Variants in NFATC1 observed in about 807,000 individuals in gnomAD.
NFATC1 encodes the protein nuclear factor of activated T cells 1.
In NFATC1, 22 loss-of-function variants were observed where a neutral mutation model predicts 76.0. That is an observed-to-expected ratio of 0.29 (90% CI 0.21 to 0.41). NFATC1 has a LOEUF of 0.41. Among genes scored for constraint, NFATC1 ranks in the 10% least tolerant of loss-of-function variants. The pLI is 1.00. For missense variants in NFATC1, 1,357 were observed against 1,337.7 expected, an observed-to-expected ratio of 1.01 and a Z score of -0.23; for synonymous variants, 704 against 613.1, an observed-to-expected ratio of 1.15 and a Z score of -2.19.
At chr18:79,428,497 G>T (rs374337487) in intron 2 of NFATC1, among the ~76,000 whole-genome samples, 1 of 152,194 alleles carries the variant, frequency 6.6e-6, no homozygotes, top group Non-Finnish European at 1.5e-5. Context: ...GTGGTTCTGC[G>T]CTCAGGGCAT....
At chr18:79,434,083 T>A (rs1362555843) in intron 3 of NFATC1, among the ~76,000 whole-genome samples, 1 of 152,234 alleles carries the variant, frequency 6.6e-6, no homozygotes. Flanking sequence ...AGCACCAGCC[T>A]CGCCTGGTGG....
rs766323337 is a variant in NFATC1 at position 79,486,325 on chromosome 18, C to A, written c.2170C>A (p.Pro724Thr). The A allele has an allele frequency of 1.2e-6, 2 of 1,613,060 alleles. No homozygotes were observed. Among genetic ancestry groups the A allele is most frequent in the Non-Finnish European group, 1.7e-6 (2 of 1,180,010 alleles). ...TGGACCGGTGAGCCAGGGGTTAAGT[C>A]CTCTCCCAAGACCATACTACAGCCA... ...TCGPVSQGLS[P>T]LPRPYYSQQL... The change falls in exon 9 of 10, where the codon CCT becomes ACT. Residue 724 changes from proline to threonine, a missense_variant. Pro to Thr is a conservative substitution (Grantham distance 38, BLOSUM62 -1). This residue lies in a region of NFATC1 where 424 missense variants were observed against 395.4 expected (regional missense o/e 1.07). Coordinates refer to ENST00000427363, the MANE Select transcript of NFATC1 (RefSeq NM_001278669.2).
At chr18:79,521,310 T>C (rs1197774617) in intron 9 of NFATC1, among the ~76,000 whole-genome samples, 7 of 59,930 alleles carry the variant, frequency 1.2e-4, no homozygotes, top group Non-Finnish European at 1.5e-4. Flanking sequence ...GGGGGGCGTC[T>C]CCTGATGTGT....
rs375917027 is a variant in NFATC1, at chr18:79,465,551, C to T, written c.1960-1899C>T. ...CATCCAGCCTGTCCCACAGGGTCCC[C>T]GCCTCCACCCCAGCCTGTCCCGTGG... is the stretch of plus-strand genomic sequence containing the variant. On this transcript the variant is annotated intron_variant, in intron 7 of 9. Transcript: ENST00000427363. The surrounding 1 kb of genome is among the most constrained non-coding windows in gnomAD (Gnocchi z 4.2). Among the ~76,000 whole-genome samples, 758 of 152,270 alleles carry T rather than the reference C, an allele frequency of 5.0e-3. 9 individuals carry two copies. The highest frequency in any genetic ancestry group is 0.017 in the African/African-American group (701 of 41,544).
intron 6 of NFATC1, among the ~76,000 whole-genome samples, chr18:79,452,450 C>T (rs1473873268): frequency 6.6e-5 from 10 of 152,270 alleles, no homozygotes; most frequent in Admixed American, 2.0e-4. Flanking sequence ...CTCCTGGGGC[C>T]GTCACGCCTG....
intron 9 of NFATC1, among the ~76,000 whole-genome samples, chr18:79,495,892 G>A (rs540318825): frequency 4.6e-5 from 7 of 152,170 alleles, no homozygotes; most frequent in Non-Finnish European, 8.8e-5. Context: ...ACACAGGCAA[G>A]CCGTGAACAG....
chr18:79,492,378 C>T (rs1239101453), intron 9 of NFATC1, among the ~76,000 whole-genome samples: 1 of 152,164 alleles, frequency 6.6e-6, no homozygotes, highest in Admixed American at 6.5e-5. Flanking sequence ...GCCTGGTCAA[C>T]ATGGTAGAAC....
At chr18:79,407,255 A>G (rs1293808142) in intron 1 of NFATC1, among the ~76,000 whole-genome samples, 1 of 152,192 alleles carries the variant, frequency 6.6e-6, no homozygotes, top group Non-Finnish European at 1.5e-5. Flanking sequence ...GGCGGGGGGC[A>G]CAGTGGATGC....
Position 79,418,211 on chromosome 18 carries a change from C to T in NFATC1, c.1226+6710C>T, listed in dbSNP as rs568273864. On this transcript the variant is annotated intron_variant, in intron 2 of 9. Transcript: ENST00000427363. ...TCGTTGTGTGATGGCAGGAAGAATC[C>T]GCGTGCTGCCCCACCATGCCTTGCG... 2.6e-5 allele frequency among the ~76,000 whole-genome samples: 4 copies of T among 152,238 alleles called. No individual in the cohort carries two copies. The South Asian group carries it at 6.2e-4, about 24-fold the overall frequency.
At chr18:79,437,589 C>T (rs116835351) in intron 3 of NFATC1, among the ~76,000 whole-genome samples, 2,003 of 152,344 alleles carry the variant, frequency 0.013, 48 homozygotes, top group African/African-American at 0.046. Flanking sequence ...GAAAGTGATG[C>T]GTGGCGGATG....
At chr18:79,432,001 C>T (rs2086606496) in intron 2 of NFATC1, among the ~76,000 whole-genome samples, 1 of 152,234 alleles carries the variant, frequency 6.6e-6, no homozygotes, top group Admixed American at 6.5e-5. Flanking sequence ...ATGCCCGGCC[C>T]TTGTTTTGTT....
chr18:79,400,463 C>T, intron 1 of NFATC1: 1 of 1,487,054 alleles, frequency 6.7e-7, no homozygotes, highest in South Asian at 1.3e-5. Context: ...ACGAGGGCGC[C>T]GCCGCGGCCG....
intron 1 of NFATC1, among the ~76,000 whole-genome samples, chr18:79,401,587 C>T (rs961621126): frequency 6.6e-6 from 1 of 152,234 alleles, no homozygotes; most frequent in Non-Finnish European, 1.5e-5. Context: ...AGAGCTGGTT[C>T]CAGTCCTCCC....
chr18:79,404,052 T>C (rs934373554), intron 1 of NFATC1, among the ~76,000 whole-genome samples: 3 of 152,194 alleles, frequency 2.0e-5, no homozygotes, highest in African/African-American at 7.2e-5. Context: ...TTCAGTTCTG[T>C]GTCGTGTTTT....
At chr18:79,412,162 C>G (rs932075181) in intron 2 of NFATC1, among the ~76,000 whole-genome samples, 3 of 152,206 alleles carry the variant, frequency 2.0e-5, no homozygotes, top group Admixed American at 2.0e-4. Flanking sequence ...TCTTTTTAAC[C>G]GTGTGAGGGG....
intron 6 of NFATC1, among the ~76,000 whole-genome samples, chr18:79,458,951 C>A (rs2087901322): frequency 6.6e-6 from 1 of 152,210 alleles, no homozygotes; most frequent in Non-Finnish European, 1.5e-5. Context: ...ACTTTATGAT[C>A]CTTAAGCAGA....
chr18:79,406,802 G>A (rs184673063), intron 1 of NFATC1, among the ~76,000 whole-genome samples: 12 of 152,190 alleles, frequency 7.9e-5, no homozygotes, highest in Admixed American at 2.0e-4. Flanking sequence ...TCTGTCCACC[G>A]TTGGACTGCG....
At chr18:79,467,323 C>T (rs566816248) in intron 7 of NFATC1, 127 bp from the exon 8 acceptor site, 6 of 883,504 alleles carry the variant, frequency 6.8e-6, no homozygotes, top group South Asian at 1.7e-5. Context: ...GCCGTGTGGC[C>T]GCCGTGGAAA....
chr18:79,484,243 C>G (rs2089430147), intron 8 of NFATC1, among the ~76,000 whole-genome samples: 1 of 152,126 alleles, frequency 6.6e-6, no homozygotes, highest in Non-Finnish European at 1.5e-5. Context: ...GCTGGACTTG[C>G]CCCAGGCCAA....
Sources: gnomAD v4.1 joint callset for allele counts (sites outside exome capture counted in the v4.1 genomes callset) on GRCh38, gnomAD v4.1.1 for gene constraint, gnomAD v4.1.1 regional missense constraint, Gnocchi (gnomAD v3.1) non-coding constraint, MANE v1.5 for transcripts, NCBI Gene and HGNC (gene_info 2026-07-23, HGNC 2026-07-21) for gene names.